SLC35F3: variants seen among roughly 807,000 people sequenced by gnomAD.
SLC35F3 encodes solute carrier family 35 member F3.
SLC35F3 carries 25 observed loss-of-function variants against 49.9 expected under a neutral mutation model. The ratio of observed to expected loss-of-function variants is 0.50; its 90% CI spans 0.37 to 0.70. SLC35F3 has a LOEUF of 0.70. Ranked by LOEUF, SLC35F3 falls within the 30% of genes least tolerant of loss-of-function variation. The pLI, the probability that SLC35F3 is intolerant of heterozygous loss-of-function variation, is 0.00. For synonymous variants in SLC35F3, 275 were observed against 265.4 expected (o/e 1.04, Z -0.35); for missense variants, 525 against 639.8 (o/e 0.82, Z 1.94).
At position 234,231,683 on chromosome 1, in the gene SLC35F3, T is replaced by C. The variant is rs778861563; in HGVS notation, c.550T>C (p.Tyr184His). The change falls in exon 3 of 8, where the codon TAC (tyrosine) becomes CAC (histidine). Residue 184 changes from tyrosine (Y) to histidine (H), a missense_variant. By Grantham distance (83) the Tyr-to-His change is moderately conservative. Around this residue, in one of 4 missense-constraint regions of SLC35F3, gnomAD observed 216 missense variants for 298.1 expected, o/e 0.72. Coordinates refer to ENST00000366618, the MANE Select transcript of SLC35F3 (RefSeq NM_173508.4). This position sits in a 1 kb window ranked among gnomAD's most constrained non-coding sequence, Gnocchi z 5.4. The part of the protein sequence containing the change: ...TNWNFLFFPL[Y>H]YVGHVCKSTE... ...CTGGAACTTTTTATTCTTCCCGTTG[T>C]ACTACGTGGGGCACGTCTGCAAGTC... is the stretch of plus-strand genomic sequence containing the variant. The C allele has an allele frequency of 1.9e-6, 3 of 1,614,144 alleles. No homozygotes were observed. Among genetic ancestry groups the C allele is most frequent in the Non-Finnish European group, 2.5e-6 (3 of 1,180,000 alleles).
chr1:233,930,703 A>G (rs1231141956), intron 2 of SLC35F3, among the ~76,000 whole-genome samples: 1 of 152,202 alleles, frequency 6.6e-6, no homozygotes, highest in African/African-American at 2.4e-5. Flanking sequence ...CACATATTTC[A>G]TATGTCATGT....
intron 2 of SLC35F3, among the ~76,000 whole-genome samples, chr1:234,082,050 C>T (rs760430486): frequency 1.4e-4 from 21 of 151,556 alleles, no homozygotes; most frequent in Non-Finnish European, 2.4e-4. Flanking sequence ...CCACTGCGCC[C>T]AGCCCAAATT....
At chr1:234,164,007 C>CA (rs11374565) in intron 2 of SLC35F3, among the ~76,000 whole-genome samples, 25,944 of 148,744 alleles carry the variant, frequency 0.17, 7,167 homozygotes, top group African/African-American at 0.59. Flanking sequence ...CTTCCTAATG[C>CA]AAAAAAAAAG....
intron 2 of SLC35F3, among the ~76,000 whole-genome samples, chr1:234,209,522 A>C (rs1256849164): frequency 6.6e-6 from 1 of 152,140 alleles, no homozygotes. Context: ...AGAAGTGTTC[A>C]CTTAAGGAAT....
At chr1:233,999,570 G>T (rs1663517445) in intron 2 of SLC35F3, among the ~76,000 whole-genome samples, 1 of 152,008 alleles carries the variant, frequency 6.6e-6, no homozygotes, top group Admixed American at 6.6e-5. Flanking sequence ...CCTGTATTGT[G>T]CCTTTGCTTG....
intron 2 of SLC35F3, among the ~76,000 whole-genome samples, chr1:234,010,926 A>G (rs1663707920): frequency 6.6e-6 from 1 of 152,216 alleles, no homozygotes; most frequent in Non-Finnish European, 1.5e-5. Context: ...ATTAACACAT[A>G]TACAGTAAGT....
At chr1:234,061,286 C>T (rs1664535203) in intron 2 of SLC35F3, among the ~76,000 whole-genome samples, 1 of 152,116 alleles carries the variant, frequency 6.6e-6, no homozygotes, top group South Asian at 2.1e-4. Context: ...TGTTATCACA[C>T]TGCCCTTTGG....
chr1:234,024,639 T>C (rs1246939021), intron 2 of SLC35F3, among the ~76,000 whole-genome samples: 1 of 152,120 alleles, frequency 6.6e-6, no homozygotes, highest in African/African-American at 2.4e-5. Context: ...CATGTTCATA[T>C]TCCTCTGCCT....
intron 2 of SLC35F3, among the ~76,000 whole-genome samples, chr1:234,123,576 A>ATTTTTTTTT (rs71170464): frequency 6.8e-6 from 1 of 146,614 alleles, no homozygotes; most frequent in Non-Finnish European, 1.5e-5. Flanking sequence ...TGCCTGGTTA[A>ATTTTTTTTT]TTTTTTTTTT....
At chr1:234,012,402 C>G (rs1339542912) in intron 2 of SLC35F3, among the ~76,000 whole-genome samples, 1 of 152,208 alleles carries the variant, frequency 6.6e-6, no homozygotes, top group Non-Finnish European at 1.5e-5. Flanking sequence ...GGGTGTTGGG[C>G]TGGGGGACAT....
intron 2 of SLC35F3, among the ~76,000 whole-genome samples, chr1:233,935,526 T>C (rs1662309935): frequency 6.6e-6 from 1 of 152,128 alleles, no homozygotes; most frequent in African/African-American, 2.4e-5. Context: ...TTTTTTTCCT[T>C]GGCCCTAGGT....
chr1:234,183,469 A>C (rs1272250035), intron 2 of SLC35F3, among the ~76,000 whole-genome samples: 1 of 142,856 alleles, frequency 7.0e-6, no homozygotes, highest in Non-Finnish European at 1.5e-5. Flanking sequence ...ATGTATTCCA[A>C]TTTTTTAAAG....
At chr1:234,070,441 C>A (rs566533621) in intron 2 of SLC35F3, among the ~76,000 whole-genome samples, 1 of 152,146 alleles carries the variant, frequency 6.6e-6, no homozygotes. Flanking sequence ...TTTATTTATG[C>A]GTATACCAAC....
chr1:234,012,786 A>T (rs1432154169), intron 2 of SLC35F3, among the ~76,000 whole-genome samples: 1 of 152,242 alleles, frequency 6.6e-6, no homozygotes, highest in African/African-American at 2.4e-5. Context: ...ACATAGACAC[A>T]GTAACAGTCT....
chr1:234,100,826 C>A (rs1665203705), intron 2 of SLC35F3, among the ~76,000 whole-genome samples: 1 of 152,236 alleles, frequency 6.6e-6, no homozygotes, highest in Admixed American at 6.5e-5. Context: ...GAGCATATTA[C>A]TTCTGCCAGA....
chr1:234,154,223 C>T (rs1278997824), intron 2 of SLC35F3, among the ~76,000 whole-genome samples: 1 of 152,092 alleles, frequency 6.6e-6, no homozygotes, highest in Non-Finnish European at 1.5e-5. Context: ...AGCACTCCAG[C>T]CGGAGCGATA....
intron 2 of SLC35F3, among the ~76,000 whole-genome samples, chr1:234,068,387 A>C (rs890052160): frequency 2.0e-5 from 3 of 152,166 alleles, no homozygotes; most frequent in Admixed American, 2.0e-4. Flanking sequence ...GTGCTGTGAA[A>C]GGTGCAAAGG....
At chr1:234,218,683 G>A (rs1477037958) in intron 2 of SLC35F3, among the ~76,000 whole-genome samples, 2 of 152,202 alleles carry the variant, frequency 1.3e-5, no homozygotes, top group East Asian at 3.8e-4. Context: ...GGCTGCAAAT[G>A]TTGCAAGACC....
rs562140417 is a variant in SLC35F3 at position 234,320,853 on chromosome 1, T to A, written c.1237+666T>A. Among the ~76,000 whole-genome samples, 2 of 152,070 alleles carry A rather than the reference T, an allele frequency of 1.3e-5. No individual in the cohort carries two copies. Among genetic ancestry groups the A allele is most frequent in the African/African-American group, 4.8e-5 (2 of 41,410 alleles). Reference sequence around the variant, plus strand: ...CCTTCCTTTTCCTGGCTCGCACGGATAGGAATTTTGGATTTTCTTCCCAGA... The same window carrying A: ...CCTTCCTTTTCCTGGCTCGCACGGAAAGGAATTTTGGATTTTCTTCCCAGA... On this transcript the variant is annotated intron_variant, in intron 7 of 7. Transcript: ENST00000366618. This position sits in a 1 kb window ranked among gnomAD's most constrained non-coding sequence, Gnocchi z 4.8.
Sources: gnomAD v4.1 joint callset for allele counts (sites outside exome capture counted in the v4.1 genomes callset) on GRCh38, gnomAD v4.1.1 for gene constraint, gnomAD v4.1.1 regional missense constraint, Gnocchi (gnomAD v3.1) non-coding constraint, MANE v1.5 for transcripts, NCBI Gene and HGNC (gene_info 2026-07-23, HGNC 2026-07-21) for gene names.